SPIDR: variants seen among roughly 807,000 people sequenced by gnomAD.
SPIDR encodes scaffold protein involved in DNA repair.
Under a neutral mutation model 104.6 loss-of-function variants are expected in SPIDR, and 93 were observed. That is an observed-to-expected ratio of 0.89 (90% confidence interval 0.75 to 1.06). The LOEUF is 1.06. SPIDR is among the 50% of genes least tolerant of loss of function. The pLI is 0.00. For synonymous variants in SPIDR, 431 were observed against 416.9 expected (o/e 1.03, Z -0.41); for missense variants, 1,154 against 1,111.2 (o/e 1.04, Z -0.55).
intron 8 of SPIDR, among the ~76,000 whole-genome samples, chr8:47,499,865 T>C (rs906566159): frequency 3.3e-5 from 5 of 152,076 alleles, no homozygotes; most frequent in African/African-American, 1.2e-4. Context: ...ATTGTTCAGT[T>C]CTCACCTATG....
At chr8:47,623,439 G>A (rs1482301746) in intron 10 of SPIDR, among the ~76,000 whole-genome samples, 1 of 152,170 alleles carries the variant, frequency 6.6e-6, no homozygotes, top group Non-Finnish European at 1.5e-5. Flanking sequence ...GACACAGACT[G>A]GCAAATTGGA....
intron 8 of SPIDR, among the ~76,000 whole-genome samples, chr8:47,548,598 C>T (rs1466353588): frequency 1.3e-5 from 2 of 152,116 alleles, no homozygotes; most frequent in African/African-American, 2.4e-5. Context: ...CAGTCAGCTG[C>T]GATTGCACCA....
chr8:47,290,021 A>G (rs2039607387), intron 3 of SPIDR, among the ~76,000 whole-genome samples: 1 of 152,110 alleles, frequency 6.6e-6, no homozygotes. Context: ...TTACATAGTG[A>G]TTTTATTTAT....
At chr8:47,421,189 A>G (rs2065388042) in intron 7 of SPIDR, among the ~76,000 whole-genome samples, 2 of 152,202 alleles carry the variant, frequency 1.3e-5, no homozygotes, top group South Asian at 4.1e-4. Context: ...CTCCTGGATA[A>G]TATCCTGCAG....
At chr8:47,565,316 A>G (rs1300048178) in intron 8 of SPIDR, among the ~76,000 whole-genome samples, 2 of 152,172 alleles carry the variant, frequency 1.3e-5, no homozygotes, top group African/African-American at 4.8e-5. Context: ...GGGGACATGC[A>G]TGCATTGGGC....
intron 5 of SPIDR, among the ~76,000 whole-genome samples, chr8:47,320,277 T>G (rs963187289): frequency 9.9e-5 from 15 of 152,014 alleles, no homozygotes; most frequent in Non-Finnish European, 1.9e-4. Flanking sequence ...TCACCACTAA[T>G]CCCACAGAAA....
intron 6 of SPIDR, among the ~76,000 whole-genome samples, chr8:47,398,849 C>A (rs1268228766): frequency 6.6e-6 from 1 of 152,016 alleles, no homozygotes; most frequent in African/African-American, 2.4e-5. Flanking sequence ...AGGGAGGAGC[C>A]AAAGCAAAGG....
At chr8:47,330,088 C>T (rs1212801738) in intron 5 of SPIDR, among the ~76,000 whole-genome samples, 2 of 152,054 alleles carry the variant, frequency 1.3e-5, no homozygotes, top group African/African-American at 2.4e-5. Flanking sequence ...TTAAGAAATT[C>T]TGTGTGTATA....
At chr8:47,569,074 T>C (rs983364886) in intron 8 of SPIDR, among the ~76,000 whole-genome samples, 1 of 152,052 alleles carries the variant, frequency 6.6e-6, no homozygotes, top group Non-Finnish European at 1.5e-5. Context: ...AGTTAAAAGA[T>C]GGAAAAAGAT....
chr8:47,665,360 A>G (rs745961231), intron 10 of SPIDR, among the ~76,000 whole-genome samples: 33 of 152,218 alleles, frequency 2.2e-4, no homozygotes, highest in Non-Finnish European at 4.6e-4. Flanking sequence ...CCCTGAGGTT[A>G]GGTCAGTAGG....
At chr8:47,622,997 G>A (rs1034363348) in intron 10 of SPIDR, among the ~76,000 whole-genome samples, 10 of 152,256 alleles carry the variant, frequency 6.6e-5, no homozygotes, top group East Asian at 3.9e-4. Context: ...TATCCGCTAC[G>A]CCCTAGTCTG....
At chr8:47,459,051 T>G (rs782597816) in intron 8 of SPIDR, among the ~76,000 whole-genome samples, 1 of 152,184 alleles carries the variant, frequency 6.6e-6, no homozygotes, top group Non-Finnish European at 1.5e-5. Context: ...TAGTATTTTG[T>G]TAAGGGTTTT....
At chr8:47,648,249 T>C (rs2070941489) in intron 10 of SPIDR, among the ~76,000 whole-genome samples, 1 of 151,968 alleles carries the variant, frequency 6.6e-6, no homozygotes, top group Non-Finnish European at 1.5e-5. Flanking sequence ...AAGGGAGGGA[T>C]CCAGAAGGAT....
Position 47,538,999 on chromosome 8 carries a change from T to A in SPIDR, c.1098-56812T>A, listed in dbSNP as rs186792770. Among the ~76,000 whole-genome samples the A allele has an allele frequency of 4.8e-3, 724 of 151,918 alleles. 5 individuals are homozygous for A. The highest frequency in any genetic ancestry group is 0.017 in the African/African-American group (687 of 41,428). ...CCCCAGCCTCCCAAGTAGCTGGGATTACAGGCACCTGCCACCACGCCCAGC... is the reference window on the plus strand; with the variant it reads ...CCCCAGCCTCCCAAGTAGCTGGGATAACAGGCACCTGCCACCACGCCCAGC... On this transcript the variant is annotated intron_variant, in intron 8 of 19. Transcript: ENST00000297423.
chr8:47,519,282 T>C (rs898089031), intron 8 of SPIDR, among the ~76,000 whole-genome samples: 1 of 152,020 alleles, frequency 6.6e-6, no homozygotes, highest in Non-Finnish European at 1.5e-5. Flanking sequence ...GTAGCTGGGA[T>C]TACAGGCGCA....
At chr8:47,535,022 G>A (rs1445693050) in intron 8 of SPIDR, among the ~76,000 whole-genome samples, 1 of 152,084 alleles carries the variant, frequency 6.6e-6, no homozygotes, top group Non-Finnish European at 1.5e-5. Context: ...AAAACTCTCT[G>A]CCCACAAATT....
chr8:47,501,156 G>A (rs1404717092), intron 8 of SPIDR, among the ~76,000 whole-genome samples: 3 of 152,186 alleles, frequency 2.0e-5, no homozygotes, highest in East Asian at 1.9e-4. Context: ...GAACTTTAAA[G>A]TAGTTTTTTC....
In SPIDR at chr8:47,366,140, G is replaced by A. The variant is rs782288451; in HGVS notation, c.526-30236G>A. Among the ~76,000 whole-genome samples, 83 of 152,102 alleles carry A rather than the reference G, an allele frequency of 5.5e-4. 1 individual carries two copies. The highest frequency in any genetic ancestry group is 1.6e-4 in the Non-Finnish European group (11 of 68,016). On this transcript the variant is annotated intron_variant, in intron 5 of 19. Transcript: ENST00000297423. ...AAGTTGCAGATGAGAGTGATGAGAC[G>A]TCTTTTTGGAGCTGACCGTTCCCTG...
chr8:47,374,598 C>G lies in SPIDR; in HGVS notation c.526-21778C>G, dbSNP rs549600798. On this transcript the variant is annotated intron_variant, in intron 5 of 19. Transcript: ENST00000297423. Reference sequence around the variant, plus strand: ...CATGTCTGTCAGAAGAGAATATCTTCCTGTTTGTCTCCATCCCAGGGCTCT... The same window carrying G: ...CATGTCTGTCAGAAGAGAATATCTTGCTGTTTGTCTCCATCCCAGGGCTCT... 7.9e-5 allele frequency among the ~76,000 whole-genome samples: 12 copies of G among 152,268 alleles called. No individual in the cohort carries two copies. The East Asian group carries it at 2.3e-3, about 29-fold the overall frequency.
Sources: allele counts gnomAD v4.1 joint callset (sites outside exome capture counted in the v4.1 genomes callset), GRCh38; gene constraint gnomAD v4.1.1; transcripts MANE v1.5; gene names NCBI Gene and HGNC (gene_info 2026-07-23, HGNC 2026-07-21).